Variants in PI4KA observed in about 807,000 individuals in gnomAD.
PI4KA encodes the protein phosphatidylinositol 4-kinase alpha.
Under a neutral mutation model 271.4 loss-of-function variants are expected in PI4KA, and 122 were observed. The ratio of observed to expected loss-of-function variants is 0.45; its 90% CI spans 0.39 to 0.52. The LOEUF (loss-of-function observed/expected upper bound fraction) is 0.52, where lower values mean the gene tolerates loss of function less well. PI4KA is among the 20% of genes least tolerant of loss of function. The pLI, the probability that PI4KA is intolerant of heterozygous loss-of-function variation, is 0.00. For missense variants in PI4KA, 1,969 were observed against 2,769.1 expected (o/e 0.71, Z 6.48); for synonymous variants, 1,041 against 1,078.8 (o/e 0.96, Z 0.69).
chr22:20,801,910 A>C (rs965092006), intron 14 of PI4KA, 63 bp downstream of exon 14: 111 of 1,564,646 alleles, frequency 7.1e-5, no homozygotes, highest in Non-Finnish European at 9.5e-5. Flanking sequence ...AATGTCTCTT[A>C]TTTTGTAATA....
In PI4KA at chr22:20,742,497, T is replaced by C. The variant is rs1929575909; in HGVS notation, c.3613+111A>G. 33 of 1,541,752 alleles carry C rather than the reference T, an allele frequency of 2.1e-5. 1 individual carries two copies. In the South Asian group the frequency reaches 3.6e-4, roughly 17 times the overall value. ...CCACTCATGAGAGATACTCCTCTAC[T>C]GGGGGAGCTCCTGCTCTTTCTCCGG... is the stretch of plus-strand genomic sequence containing the variant. On this transcript the variant is annotated intron_variant, in intron 31 of 54. Coordinates refer to ENST00000255882, the MANE Select transcript of PI4KA (RefSeq NM_058004.4).
intron 17 of PI4KA, among the ~76,000 whole-genome samples, chr22:20,797,228 A>G (rs1229893421): frequency 2.0e-5 from 3 of 152,158 alleles, no homozygotes; most frequent in African/African-American, 7.2e-5. Context: ...AAGACGACAA[A>G]TCATTTTTGG....
intron 1 of PI4KA, among the ~76,000 whole-genome samples, chr22:20,842,418 A>C (rs2088307641): frequency 6.6e-6 from 1 of 152,244 alleles, no homozygotes; most frequent in Non-Finnish European, 1.5e-5. Context: ...ATTTATTTAC[A>C]GTAGTAATAG....
intron 9 of PI4KA, among the ~76,000 whole-genome samples, chr22:20,807,953 GAAA>G (rs200885842): frequency 1.5e-5 from 2 of 137,724 alleles, no homozygotes; most frequent in Admixed American, 1.5e-4. Flanking sequence ...TTCTTCTTCT[GAAA>G]AAAAAAAAAA....
In PI4KA at chr22:20,733,780, A is replaced by G; in HGVS notation, c.4116T>C (p.Asn1372=). The change falls in exon 35 of 55, where the codon AAT becomes AAC. Residue 1372 remains asparagine, a synonymous_variant. Transcript: ENST00000255882. ...ADVVPNATIR[N]VLREKIYSTA... ...TGGAGTAGATCTTCTCGCGAAGCACATTGCGGATGGTTGCATTTGGAACCA... is the reference window on the plus strand; with the variant it reads ...TGGAGTAGATCTTCTCGCGAAGCACGTTGCGGATGGTTGCATTTGGAACCA... 1.2e-6 allele frequency: 2 copies of G among 1,613,260 alleles called. No individual in the cohort carries two copies. The highest frequency in any genetic ancestry group is 2.2e-5 in the East Asian group (1 of 44,872).
chr22:20,739,482 A>AG (rs1211339093), intron 32 of PI4KA, among the ~76,000 whole-genome samples: 1 of 151,480 alleles, frequency 6.6e-6, no homozygotes, highest in Non-Finnish European at 1.5e-5. Context: ...AAAAAAAAAA[A>AG]CAAAAGAAAA....
At chr22:20,753,203 G>A (rs751414740) in intron 23 of PI4KA, 23 bp from the exon 24 acceptor site, 8 of 1,602,918 alleles carry the variant, frequency 5.0e-6, no homozygotes, top group Non-Finnish European at 6.8e-6. Flanking sequence ...GGTTTCCATG[G>A]ATAAGGTGCA....
chr22:20,724,569 G>A (rs545077465), intron 42 of PI4KA, among the ~76,000 whole-genome samples: 1 of 152,226 alleles, frequency 6.6e-6, no homozygotes, highest in South Asian at 2.1e-4. Flanking sequence ...GAATGCCACT[G>A]CACTGCAGCC....
intron 19 of PI4KA, among the ~76,000 whole-genome samples, chr22:20,771,948 T>C (rs1040392956): frequency 2.0e-5 from 3 of 152,000 alleles, no homozygotes; most frequent in African/African-American, 4.8e-5. Context: ...AAGAAGTACA[T>C]AGAATGAAAA....
In PI4KA at chr22:20,764,830, G is replaced by C. The variant is rs1932360373; in HGVS notation, c.2695C>G (p.Leu899Val). Residue 899 changes from leucine to valine, a missense_variant, in exon 22 of 55, where the codon CTG becomes GTG. By Grantham distance (32) the Leu-to-Val change is conservative. This residue lies in a region of PI4KA where 368 missense variants were observed against 544.3 expected (regional missense o/e 0.68). Coordinates refer to ENST00000255882, the MANE Select transcript of PI4KA (RefSeq NM_058004.4). ...AGGCACGTGTACCTCATGTACTCCA[G>C]CCGGTACACAGAGAGGAGGTAGGTG... is the stretch of plus-strand genomic sequence containing the variant. ...MSTYLLSVYR[L>V]EYMRVLRSTD... 6.2e-7 allele frequency: 1 copy of C among 1,612,980 alleles called. No individual in the cohort carries two copies. Among genetic ancestry groups the C allele is most frequent in the Admixed American group, 1.7e-5 (1 of 59,894 alleles).
rs1211183047 is a variant in PI4KA at position 20,761,333 on chromosome 22, T to C, written c.2762A>G (p.Glu921Gly). The C allele has an allele frequency of 2.5e-6, 4 of 1,610,028 alleles. No homozygotes were observed. The highest frequency in any genetic ancestry group is 3.4e-6 in the Non-Finnish European group (4 of 1,176,416). The change falls in exon 23 of 55, where the codon GAG becomes GGG. Residue 921 changes from glutamate (E) to glycine (G), a missense_variant. Physicochemically the swap from Glu to Gly is moderately conservative, Grantham distance 98. Transcript: ENST00000255882. ...TTTGTCTTTCTGAATAGCTTTATCC[T>C]CAAAGTAGCAGAACATTACCTGGAA... ...DRFQVMFCYF[E>G]DKAIQKDKSG...
At chr22:20,855,781 C>T (rs1187148018) in intron 1 of PI4KA, among the ~76,000 whole-genome samples, 1 of 152,192 alleles carries the variant, frequency 6.6e-6, no homozygotes, top group Non-Finnish European at 1.5e-5. Flanking sequence ...CCATCAGATT[C>T]CCAGAAGGAA....
chr22:20,731,128 A>G (rs1020928092), intron 36 of PI4KA, among the ~76,000 whole-genome samples: 1 of 152,164 alleles, frequency 6.6e-6, no homozygotes, highest in Non-Finnish European at 1.5e-5. Context: ...GCAGTGAGCT[A>G]TGATTACACT....
intron 7 of PI4KA, among the ~76,000 whole-genome samples, chr22:20,814,325 G>C (rs1055079180): frequency 6.6e-6 from 1 of 152,200 alleles, no homozygotes; most frequent in Admixed American, 6.5e-5. Context: ...ATCAGTGACT[G>C]GGGGAAGGGG....
At chr22:20,712,388 G>C in intron 50 of PI4KA, 98 bp downstream of exon 50, 1 of 1,560,290 alleles carries the variant, frequency 6.4e-7, no homozygotes, top group Non-Finnish European at 8.7e-7. Flanking sequence ...AACAAAGGAT[G>C]ACTGAGGAGA....
intron 30 of PI4KA, among the ~76,000 whole-genome samples, chr22:20,743,883 T>C (rs1408772417): frequency 2.0e-5 from 3 of 151,866 alleles, no homozygotes; most frequent in Non-Finnish European, 4.4e-5. Flanking sequence ...TGAAACCCCG[T>C]CTCCACTAAA....
intron 3 of PI4KA, among the ~76,000 whole-genome samples, chr22:20,833,986 T>C (rs188695604): frequency 5.9e-5 from 9 of 152,110 alleles, no homozygotes; most frequent in African/African-American, 2.2e-4. Flanking sequence ...ACTCCTGAGT[T>C]CAAACAATCT....
At chr22:20,720,704 C>T (rs1186063269) in intron 43 of PI4KA, among the ~76,000 whole-genome samples, 4 of 152,136 alleles carry the variant, frequency 2.6e-5, no homozygotes, top group South Asian at 4.1e-4. Context: ...AGAAGTGGAA[C>T]GAGAATGAGA....
chr22:20,805,451 T>C (rs899010102), intron 10 of PI4KA, among the ~76,000 whole-genome samples: 15 of 152,210 alleles, frequency 9.9e-5, no homozygotes, highest in Admixed American at 9.8e-4. Flanking sequence ...CCTGAATACA[T>C]GAAACATATA....
Sources: gnomAD v4.1 joint callset for allele counts (sites outside exome capture counted in the v4.1 genomes callset) on GRCh38, gnomAD v4.1.1 for gene constraint, gnomAD v4.1.1 regional missense constraint, MANE v1.5 for transcripts, NCBI Gene and HGNC (gene_info 2026-07-23, HGNC 2026-07-21) for gene names.